PCDH15: variants seen among roughly 807,000 people sequenced by gnomAD.
PCDH15 encodes the protein protocadherin-15.
PCDH15 carries 129 observed loss-of-function variants against 178.5 expected under a neutral mutation model. The observed-to-expected ratio is 0.72, with a 90% CI of 0.63 to 0.84. PCDH15 has a LOEUF of 0.84. Among genes scored for constraint, PCDH15 ranks in the 40% least tolerant of loss-of-function variants. PCDH15 has a pLI of 0.00. For missense variants in PCDH15, 2,230 were observed against 2,099.9 expected, an observed-to-expected ratio of 1.06 and a Z score of -1.21; for synonymous variants, 800 against 732.0, an observed-to-expected ratio of 1.09 and a Z score of -1.50.
intron 1 of PCDH15, among the ~76,000 whole-genome samples, chr10:54,682,142 G>T (rs2094913395): frequency 6.6e-6 from 1 of 152,160 alleles, no homozygotes; most frequent in African/African-American, 2.4e-5. Flanking sequence ...CCAGCCACAT[G>T]AAGCTGTTGG....
At chr10:54,435,515 T>C (rs2075323497) in intron 3 of PCDH15, among the ~76,000 whole-genome samples, 1 of 152,116 alleles carries the variant, frequency 6.6e-6, no homozygotes, top group South Asian at 2.1e-4. Context: ...CGAACAAATA[T>C]CTGTGGAAAG....
chr10:54,298,565 A>G (rs1234200045), intron 8 of PCDH15, among the ~76,000 whole-genome samples: 11 of 152,180 alleles, frequency 7.2e-5, no homozygotes, highest in Admixed American at 7.2e-4. Flanking sequence ...CCCCTCATCC[A>G]TGTCCACTGT....
intron 2 of PCDH15, among the ~76,000 whole-genome samples, chr10:55,592,820 A>C (rs1215571979): frequency 2.0e-5 from 3 of 152,154 alleles, no homozygotes; most frequent in African/African-American, 7.2e-5. Flanking sequence ...TTATCTAATT[A>C]GATTTGCATT....
At chr10:53,834,169 T>G (rs2077170757) in intron 29 of PCDH15, among the ~76,000 whole-genome samples, 1 of 152,108 alleles carries the variant, frequency 6.6e-6, no homozygotes, top group Admixed American at 6.5e-5. Flanking sequence ...GGAAGGCACT[T>G]TAGATTAAAG....
intron 34 of PCDH15, among the ~76,000 whole-genome samples, chr10:53,816,594 T>C (rs1260495923): frequency 1.3e-5 from 2 of 152,200 alleles, no homozygotes; most frequent in Admixed American, 1.3e-4. Flanking sequence ...GAGTTATTTA[T>C]GTTTCTAAAA....
chr10:54,867,698 T>C (rs1418387147), intron 3 of PCDH15, among the ~76,000 whole-genome samples: 3 of 152,158 alleles, frequency 2.0e-5, no homozygotes, highest in African/African-American at 7.2e-5. Flanking sequence ...TTGCAATTAA[T>C]TCACTCTTTC....
intron 29 of PCDH15, among the ~76,000 whole-genome samples, chr10:53,833,829 T>C (rs1451145164): frequency 6.6e-6 from 1 of 152,100 alleles, no homozygotes; most frequent in African/African-American, 2.4e-5. Flanking sequence ...TTTTCCTTTT[T>C]CTTAATATTG....
intron 2 of PCDH15, among the ~76,000 whole-genome samples, chr10:54,963,084 C>T (rs1271930904): frequency 6.6e-6 from 1 of 152,102 alleles, no homozygotes; most frequent in African/African-American, 2.4e-5. Flanking sequence ...TAGTTAAATA[C>T]AAGGGTTTTT....
chr10:55,173,309 A>ATGTGTGTGTGTG (rs775260037), intron 1 of PCDH15, among the ~76,000 whole-genome samples: 18,209 of 132,410 alleles, frequency 0.14, 1,455 homozygotes, highest in Non-Finnish European at 0.19. Context: ...TAGAAAGATT[A>ATGTGTGTGTGTG]TGTGTGTGTG....
At chr10:54,099,433 A>G (rs1280420465) in intron 15 of PCDH15, among the ~76,000 whole-genome samples, 1 of 144,092 alleles carries the variant, frequency 6.9e-6, no homozygotes, top group Non-Finnish European at 1.5e-5. Flanking sequence ...CAGGAGGAGG[A>G]GCTTGCAGTG....
chr10:55,527,563 T>A (rs1036015235), intron 2 of PCDH15, among the ~76,000 whole-genome samples: 3 of 152,062 alleles, frequency 2.0e-5, no homozygotes, highest in African/African-American at 7.2e-5. Flanking sequence ...GTGTAAGGAC[T>A]TCAATATATA....
chr10:55,192,402 A>G (rs1231217503), intron 1 of PCDH15, among the ~76,000 whole-genome samples: 1 of 151,912 alleles, frequency 6.6e-6, no homozygotes, highest in African/African-American at 2.4e-5. Context: ...CCCATATAAA[A>G]AAGTTATTTC....
At chr10:53,833,165 A>G (rs987918993) in intron 29 of PCDH15, among the ~76,000 whole-genome samples, 11 of 152,046 alleles carry the variant, frequency 7.2e-5, no homozygotes, top group African/African-American at 2.7e-4. Flanking sequence ...AGAACAAGGA[A>G]GAATCAGATC....
intron 3 of PCDH15, among the ~76,000 whole-genome samples, chr10:54,864,395 T>C (rs1953899847): frequency 6.6e-6 from 1 of 152,140 alleles, no homozygotes; most frequent in African/African-American, 2.4e-5. Context: ...GATTGTTGAA[T>C]ACCATAATAT....
chr10:54,710,254 A>G (rs1334349959), intron 1 of PCDH15, among the ~76,000 whole-genome samples: 6 of 152,030 alleles, frequency 3.9e-5, no homozygotes, highest in Non-Finnish European at 8.8e-5. Flanking sequence ...TAAATGAAAC[A>G]TCAGTTTTCC....
At position 54,636,305 on chromosome 10, in the gene PCDH15, A is replaced by G. The variant is rs551950738; in HGVS notation, c.91+27867T>C. On this transcript the variant is annotated intron_variant, in intron 2 of 37. Transcript: ENST00000644397. ...TAAACCAAGAATTAGAGTATTACCA[A>G]CTATATTCATCTGCATGTCTCTATT... Among the ~76,000 whole-genome samples, 4 of 152,010 alleles carry G rather than the reference A, an allele frequency of 2.6e-5. No homozygotes were observed. In the South Asian group the frequency reaches 8.3e-4, roughly 31 times the overall value.
chr10:55,155,505 C>T (rs1168884116), intron 2 of PCDH15, among the ~76,000 whole-genome samples: 2 of 114,542 alleles, frequency 1.7e-5, no homozygotes, highest in Non-Finnish European at 1.8e-5. Context: ...AAAAAAAAAG[C>T]AATAATAATA....
At chr10:55,502,775 T>C (rs1840683434) in intron 2 of PCDH15, among the ~76,000 whole-genome samples, 1 of 151,664 alleles carries the variant, frequency 6.6e-6, no homozygotes, top group South Asian at 2.1e-4. Flanking sequence ...AAGGATGTGA[T>C]ATGAAAGCGT....
At chr10:55,381,711 A>G (rs1275075097) in intron 2 of PCDH15, among the ~76,000 whole-genome samples, 1 of 152,180 alleles carries the variant, frequency 6.6e-6, no homozygotes, top group East Asian at 1.9e-4. Flanking sequence ...GAAGACCTGG[A>G]TATACACAGA....
Sources: allele counts gnomAD v4.1 joint callset (sites outside exome capture counted in the v4.1 genomes callset), GRCh38; gene constraint gnomAD v4.1.1; transcripts MANE v1.5; gene names NCBI Gene and HGNC (gene_info 2026-07-23, HGNC 2026-07-21).